Variants in DOCK9 observed in about 807,000 individuals in gnomAD.
The protein encoded by DOCK9 is dedicator of cytokinesis 9.
Under a neutral mutation model 263.3 loss-of-function variants are expected in DOCK9, and 89 were observed. That is an observed-to-expected ratio of 0.34 (90% CI 0.28 to 0.40). The LOEUF (loss-of-function observed/expected upper bound fraction) is 0.40. DOCK9 is among the 10% of genes least tolerant of loss of function. The pLI is 1.00. For synonymous variants in DOCK9, 976 were observed against 973.1 expected, an observed-to-expected ratio of 1.00 and a Z score of -0.06; for missense variants, 2,140 against 2,603.4, an observed-to-expected ratio of 0.82 and a Z score of 3.87.
At position 98,903,065 on chromosome 13, in the gene DOCK9, C is replaced by G. The variant is rs1295881664; in HGVS notation, c.1083G>C (p.Glu361Asp). Residue 361 changes from glutamate to aspartate, a missense_variant, in exon 11 of 53, where the codon GAG becomes GAC. Physicochemically the swap from Glu to Asp is conservative, Grantham distance 45. Around this residue, in one of 2 missense-constraint regions of DOCK9, gnomAD observed 1,521 missense variants for 1,741.7 expected, o/e 0.87. Transcript: ENST00000682017. Reference protein sequence around the residue: ...SAEPEVKSFEEKFGKRILVKC... With the variant: ...SAEPEVKSFEDKFGKRILVKC... ...TGACAAGGATCCTTTTTCCAAACTT[C>G]TCTTCAAATGACTTCACTTCTGGCT... The G allele has an allele frequency of 1.3e-6, 2 of 1,534,568 alleles. No individual in the cohort carries two copies.
chr13:98,973,795 G>A (rs1567144657), intron 1 of DOCK9, among the ~76,000 whole-genome samples: 1 of 151,968 alleles, frequency 6.6e-6, no homozygotes, highest in Non-Finnish European at 1.5e-5. Context: ...ACGGAGTTTC[G>A]CCATGTTGCC....
chr13:98,899,096 T>C (rs1487788866), intron 13 of DOCK9, among the ~76,000 whole-genome samples: 1 of 150,488 alleles, frequency 6.6e-6, no homozygotes, highest in Non-Finnish European at 1.5e-5. Context: ...TACATAAGTA[T>C]ATCAAAGTCA....
At chr13:99,065,435 G>A (rs908612525) in intron 1 of DOCK9, among the ~76,000 whole-genome samples, 7 of 152,026 alleles carry the variant, frequency 4.6e-5, no homozygotes, top group Non-Finnish European at 8.8e-5. Context: ...CTTCCAGCTC[G>A]AAAACCCACA....
Position 98,901,801 on chromosome 13 carries a change from T to C in DOCK9, c.1480A>G (p.Met494Val). The change falls in exon 13 of 53, where the codon ATG becomes GTG. Residue 494 changes from methionine to valine, a missense_variant. Met to Val is a conservative substitution (Grantham distance 21). Around this residue, in one of 2 missense-constraint regions of DOCK9, gnomAD observed 1,521 missense variants for 1,741.7 expected, o/e 0.87. Coordinates refer to ENST00000682017, the MANE Select transcript of DOCK9 (RefSeq NM_001366683.2). ...ACCTTAGAAGAGTCTGAACTTTTCA[T>C]ATATGGCTCAGCGCAATGTGTGATG... The part of the protein sequence containing the change: ...GSITHCAEPY[M>V]KSSDSSKVAQ... The C allele has an allele frequency of 6.2e-7, 1 of 1,612,886 alleles. No homozygotes were observed. Among genetic ancestry groups the C allele is most frequent in the Non-Finnish European group, 8.5e-7 (1 of 1,179,418 alleles).
At position 98,915,372 on chromosome 13, in the gene DOCK9, A is replaced by C; in HGVS notation, c.849T>G (p.Phe283Leu). 3.7e-6 allele frequency: 6 copies of C among 1,613,852 alleles called. No homozygotes were observed. Among genetic ancestry groups the C allele is most frequent in the Non-Finnish European group, 4.2e-6 (5 of 1,179,846 alleles). Residue 283 changes from phenylalanine to leucine, a missense_variant, in exon 8 of 53, where the codon TTT becomes TTG. By Grantham distance (22) the Phe-to-Leu change is conservative. Coordinates refer to ENST00000682017, the MANE Select transcript of DOCK9 (RefSeq NM_001366683.2). Reference protein sequence around the residue: ...TILNKILQLNFEAAMQEKRNG... With the variant: ...TILNKILQLNLEAAMQEKRNG... ...TTCGCTTTTCTTGCATTGCAGCTTC[A>C]AAGTTGAGCTGGAGGATCTTATTTA...
At chr13:99,086,229 C>T in exon 1 of DOCK9, 1 of 1,503,378 alleles carries the variant, frequency 6.7e-7, no homozygotes, top group East Asian at 2.8e-5. Context: ...TCACCAGGAG[C>T]ACGGAGCCGC....
Position 98,901,779 on chromosome 13 carries a change from T to C in DOCK9, c.1502A>G (p.Lys501Arg). 1 of 1,612,858 alleles carries C rather than the reference T, an allele frequency of 6.2e-7. No individual in the cohort carries two copies. The highest frequency in any genetic ancestry group is 8.5e-7 in the Non-Finnish European group (1 of 1,179,446). Residue 501 changes from lysine to arginine, a missense_variant and splice_region_variant, in exon 13 of 53, where the codon AAG becomes AGG. Physicochemically the swap from Lys to Arg is conservative, Grantham distance 26 (BLOSUM62 2). Around this residue, in one of 2 missense-constraint regions of DOCK9, gnomAD observed 1,521 missense variants for 1,741.7 expected, o/e 0.87. Transcript: ENST00000682017. ...EPYMKSSDSS[K>R]VAQKVLKNAK... ...CCAAAGCGTAAAAGCCATTCATACC[T>C]TAGAAGAGTCTGAACTTTTCATATA...
At chr13:98,885,412 TG>T in intron 20 of DOCK9, 2 of 530,878 alleles carry the variant, frequency 3.8e-6, no homozygotes, top group African/African-American at 1.9e-5. Flanking sequence ...GAGACCAGCC[TG>T]GGCAACATGG....
intron 9 of DOCK9, among the ~76,000 whole-genome samples, chr13:98,905,054 C>T (rs981956900): frequency 6.6e-6 from 1 of 152,270 alleles, no homozygotes; most frequent in Non-Finnish European, 1.5e-5. Context: ...CAGAATCGAG[C>T]TGAACATCCC....
At chr13:98,896,238 T>C (rs1442228436) in intron 15 of DOCK9, among the ~76,000 whole-genome samples, 2 of 152,214 alleles carry the variant, frequency 1.3e-5, no homozygotes, top group East Asian at 1.9e-4. Flanking sequence ...TTCTACCTTT[T>C]TGAGCCTCTT....
Position 98,807,778 on chromosome 13 carries a change from C to A in DOCK9, c.5397G>T (p.Glu1799Asp). The change falls in exon 48 of 53, where the codon GAG (glutamate) becomes GAT (aspartate). Residue 1799 changes from glutamate to aspartate, a missense_variant. Glu to Asp is a conservative substitution (Grantham distance 45). Transcript: ENST00000682017. ...TGAGTTTGGGTTCCTTGTAAATATA[C>A]TCCTTTCCATCTTCATCTTCAAAGA... ...QGFFEDEDGK[E>D]YIYKEPKLTP... The A allele has an allele frequency of 6.2e-7, 1 of 1,612,200 alleles. No homozygotes were observed. Among genetic ancestry groups the A allele is most frequent in the Non-Finnish European group, 8.5e-7 (1 of 1,178,740 alleles).
At chr13:98,868,753 CA>C (rs1215848181) in intron 27 of DOCK9, among the ~76,000 whole-genome samples, 3 of 152,088 alleles carry the variant, frequency 2.0e-5, no homozygotes, top group Non-Finnish European at 4.4e-5. Flanking sequence ...GGCCCAGTCT[CA>C]AAAAACCCCA....
At chr13:99,047,017 G>A (rs1271834831) in intron 1 of DOCK9, among the ~76,000 whole-genome samples, 8 of 152,178 alleles carry the variant, frequency 5.3e-5, no homozygotes, top group Non-Finnish European at 5.9e-5. Context: ...ATGATTAAAA[G>A]ACAAAATATT....
intron 1 of DOCK9, among the ~76,000 whole-genome samples, chr13:99,037,689 T>C (rs1283148804): frequency 6.6e-6 from 1 of 152,218 alleles, no homozygotes; most frequent in Non-Finnish European, 1.5e-5. Context: ...ACTTTATTGG[T>C]AATAACCAAA....
chr13:98,974,748 C>CAAAAAAAAAAA (rs57196019), intron 1 of DOCK9, among the ~76,000 whole-genome samples: 1 of 33,214 alleles, frequency 3.0e-5, no homozygotes. Context: ...AACTCTGTCT[C>CAAAAAAAAAAA]AAAAAAAAAA....
chr13:99,074,884 G>A (rs2041846940), intron 1 of DOCK9, among the ~76,000 whole-genome samples: 1 of 152,174 alleles, frequency 6.6e-6, no homozygotes, highest in Admixed American at 6.5e-5. Flanking sequence ...CTCACATAGG[G>A]ATGATTGGTG....
chr13:98,874,790 T>G (rs2094287011), intron 27 of DOCK9, among the ~76,000 whole-genome samples: 1 of 152,224 alleles, frequency 6.6e-6, no homozygotes, highest in Non-Finnish European at 1.5e-5. Context: ...TCTGCTAATC[T>G]TTATACTCTC....
chr13:99,077,324 TC>T (rs1379612347), intron 1 of DOCK9, among the ~76,000 whole-genome samples: 1 of 152,050 alleles, frequency 6.6e-6, no homozygotes, highest in East Asian at 1.9e-4. Flanking sequence ...GGGGCAGACT[TC>T]CCCCTTACTG....
At chr13:98,838,844 A>G (rs1170076405) in intron 38 of DOCK9, among the ~76,000 whole-genome samples, 2 of 152,246 alleles carry the variant, frequency 1.3e-5, no homozygotes, top group African/African-American at 4.8e-5. Context: ...GACATTTTGT[A>G]CATAGATCAA....
Sources: gnomAD v4.1 joint callset for allele counts (sites outside exome capture counted in the v4.1 genomes callset) on GRCh38, gnomAD v4.1.1 for gene constraint, gnomAD v4.1.1 regional missense constraint, MANE v1.5 for transcripts, NCBI Gene and HGNC (gene_info 2026-07-23, HGNC 2026-07-21) for gene names.